APPL1: variants seen among roughly 807,000 people sequenced by gnomAD.
APPL1 encodes DCC-interacting protein 13-alpha.
APPL1 carries 42 observed loss-of-function variants against 106.8 expected under a neutral mutation model. The ratio of observed to expected loss-of-function variants is 0.39; its 90% CI spans 0.31 to 0.51. The LOEUF is 0.51. APPL1 is among the 20% of genes least tolerant of loss of function. The probability of loss-of-function intolerance (pLI) is 0.75; values close to 1 mark genes in which losing one functional copy is unlikely to be tolerated. For synonymous variants in APPL1, 263 were observed against 281.8 expected (o/e 0.93, Z 0.67); for missense variants, 769 against 858.2 (o/e 0.90, Z 1.30).
At chr3:57,240,303 A>AT (rs1365814949) in intron 4 of APPL1, among the ~76,000 whole-genome samples, 162 bp from the exon 5 acceptor site, 13 of 151,984 alleles carry the variant, frequency 8.6e-5, no homozygotes, top group Non-Finnish European at 1.2e-4. Context: ...AGTAAATGGA[A>AT]TTTTTTGACT....
chr3:57,261,918 T>TTTG, intron 19 of APPL1, among the ~76,000 whole-genome samples: 1 of 152,276 alleles, frequency 6.6e-6, no homozygotes, highest in East Asian at 1.9e-4. Flanking sequence ...TTTCTGCATT[T>TTTG]CACCAACATC....
In APPL1 at chr3:57,234,322, G is replaced by T. The variant is rs1422878738; in HGVS notation, c.55-1244G>T. 3.5e-4 allele frequency among the ~76,000 whole-genome samples: 50 copies of T among 141,902 alleles called. 1 individual carries two copies. The highest frequency in any genetic ancestry group is 2.8e-5 in the African/African-American group (1 of 35,926). 93.1% of individuals were successfully genotyped at this position (141,902 alleles called of 152,430 possible). A position where few individuals can be genotyped will look rare whatever the true frequency, so the allele number is the denominator to read the frequency against. The stretch of plus-strand genomic sequence containing the variant: ...TTTTTTTTTTTTTTTTTTTGAGACG[G>T]AGTCTCCCTCTATTGCCCAAGCTGG... On this transcript the variant is annotated intron_variant, in intron 1 of 21. Coordinates refer to ENST00000288266, the MANE Select transcript of APPL1 (RefSeq NM_012096.3).
Position 57,242,910 on chromosome 3 carries a change from A to G in APPL1, c.470A>G (p.Asp157Gly). The G allele has an allele frequency of 6.2e-7, 1 of 1,609,968 alleles. No individual in the cohort carries two copies. Among genetic ancestry groups the G allele is most frequent in the Non-Finnish European group, 8.5e-7 (1 of 1,176,846 alleles). ...CGTTTATCAAAAAAAAGAGAAAATG[A>G]CAAGGTGTGGTACATATTTATTCCT... ...YSRLSKKRENDKVKYEVTEDV... is the reference protein window; with the variant it reads ...YSRLSKKRENGKVKYEVTEDV... Residue 157 changes from aspartate (D) to glycine (G), a missense_variant, in exon 7 of 22, where the codon GAC becomes GGC. By Grantham distance (94) the Asp-to-Gly change is moderately conservative. Transcript: ENST00000288266.
At chr3:57,257,964 T>A (rs2060846141) in intron 15 of APPL1, among the ~76,000 whole-genome samples, 2 of 152,322 alleles carry the variant, frequency 1.3e-5, no homozygotes, top group South Asian at 4.1e-4. Flanking sequence ...ATTTATTAAG[T>A]AGAGTGGACA....
intron 4 of APPL1, among the ~76,000 whole-genome samples, chr3:57,238,689 AT>A (rs561368273): frequency 5.1e-4 from 77 of 152,282 alleles, no homozygotes; most frequent in Non-Finnish European, 9.3e-4. Flanking sequence ...TGGAAAAGTA[AT>A]TTTTTTGAAA....
rs1322510680 is a variant in APPL1, at chr3:57,272,323, G to GCTAGT, written c.*2642_*2646dup. The GCTAGT allele has an allele frequency of 6.6e-6, 1 of 152,104 alleles. No individual in the cohort carries two copies. The highest frequency in any genetic ancestry group is 6.5e-5 in the Admixed American group (1 of 15,270). The allele number at this position is 152,104 out of a possible 1,614,324, so 9.4% of individuals were successfully genotyped here. ...TATTATCTTGAACAGAGTCCCTAAAGCTAGTCTAGTTTTTGCCACATCTGC... is the reference window on the plus strand; with the variant it reads ...TATTATCTTGAACAGAGTCCCTAAAGCTAGTCTAGTCTAGTTTTTGCCACATCTGC... On this transcript the variant is annotated 3_prime_UTR_variant, in exon 22 of 22. Coordinates refer to ENST00000288266, the MANE Select transcript of APPL1 (RefSeq NM_012096.3).
At chr3:57,245,995 C>T (rs2060771627) in intron 7 of APPL1, 81 bp from the exon 8 acceptor site, 3 of 1,006,222 alleles carry the variant, frequency 3.0e-6, no homozygotes, top group Non-Finnish European at 2.7e-6. Context: ...CTCTTCTCCA[C>T]AGCTCCTACT....
chr3:57,257,233 G>C lies in APPL1; in HGVS notation c.1248-13G>C. 1.2e-6 allele frequency: 2 copies of C among 1,603,060 alleles called. No homozygotes were observed. The highest frequency in any genetic ancestry group is 1.7e-6 in the Non-Finnish European group (2 of 1,175,852). On this transcript the variant is annotated splice_polypyrimidine_tract_variant and intron_variant, in intron 14 of 21. Coordinates refer to ENST00000288266, the MANE Select transcript of APPL1 (RefSeq NM_012096.3). ...GGAAAATTAAATGCAATGCCTTCTT[G>C]TTTTATGCTTAGACAATCTCGGCCA...
chr3:57,261,504 C>T (rs924894485), intron 19 of APPL1, among the ~76,000 whole-genome samples: 2 of 151,988 alleles, frequency 1.3e-5, no homozygotes, highest in Admixed American at 1.3e-4. Context: ...AATGGTAGTT[C>T]TATTTTTAGT....
chr3:57,245,745 A>G (rs2060770332), intron 7 of APPL1, among the ~76,000 whole-genome samples: 1 of 151,776 alleles, frequency 6.6e-6, no homozygotes, highest in African/African-American at 2.4e-5. Context: ...CGGTTTCACC[A>G]TGTTGGCCAG....
intron 21 of APPL1, 75 bp downstream of exon 21, chr3:57,268,562 G>T (rs2060911425): frequency 1.4e-6 from 2 of 1,455,586 alleles, no homozygotes; most frequent in South Asian, 1.6e-5. Context: ...TTTCAGATTT[G>T]AATTTCCAAA....
chr3:57,245,547 AGTT>A (rs2060768443), intron 7 of APPL1, among the ~76,000 whole-genome samples: 3 of 143,780 alleles, frequency 2.1e-5, no homozygotes, highest in Admixed American at 7.0e-5. Flanking sequence ...TTCAATATGC[AGTT>A]TTTTTTTTTT....
chr3:57,259,875 G>A lies in APPL1; in HGVS notation c.1514G>A (p.Arg505Gln), dbSNP rs1356993102. Residue 505 changes from arginine to glutamine, a missense_variant, in exon 17 of 22, where the codon CGA (arginine) becomes CAA (glutamine). Arg to Gln is a conservative substitution (Grantham distance 43). Coordinates refer to ENST00000288266, the MANE Select transcript of APPL1 (RefSeq NM_012096.3). ...ATTCTTCATCAGTTATTTATTGTCCGATTCCTTGGTTCAATGGAGGTGAAA... is the reference window on the plus strand; with the variant it reads ...ATTCTTCATCAGTTATTTATTGTCCAATTCCTTGGTTCAATGGAGGTGAAA... ...DSILHQLFIVRFLGSMEVKSD... is the reference protein window; with the variant it reads ...DSILHQLFIVQFLGSMEVKSD... The A allele has an allele frequency of 3.7e-6, 6 of 1,607,124 alleles. No individual in the cohort carries two copies. Among genetic ancestry groups the A allele is most frequent in the South Asian group, 3.4e-5 (3 of 89,498 alleles).
intron 1 of APPL1, 23 bp downstream of exon 1, chr3:57,227,960 C>T: frequency 4.9e-6 from 7 of 1,421,830 alleles, no homozygotes; most frequent in Non-Finnish European, 5.6e-6. Context: ...AGCTGGTGGG[C>T]GACGAGGGAG....
chr3:57,264,845 T>C (rs1300539046), intron 19 of APPL1, among the ~76,000 whole-genome samples: 1 of 151,346 alleles, frequency 6.6e-6, no homozygotes, highest in African/African-American at 2.4e-5. Flanking sequence ...TTGGTTACTA[T>C]AGCTCTGTAG....
chr3:57,230,860 T>C (rs1271969808), intron 1 of APPL1: 1 of 387,576 alleles, frequency 2.6e-6, no homozygotes, highest in African/African-American at 2.2e-5. Context: ...CTCAAACTCC[T>C]GGGCACACGC....
Position 57,250,804 on chromosome 3 carries a change from C to CTTT in APPL1, c.1052+1275_1052+1277dup, listed in dbSNP as rs71088045. Among the ~76,000 whole-genome samples the CTTT allele has an allele frequency of 2.3e-3, 258 of 110,248 alleles. 3 individuals carry two copies. Among genetic ancestry groups the CTTT allele is most frequent in the East Asian group, 4.2e-3 (15 of 3,566 alleles). The allele number at this position is 110,248 out of a possible 152,430, so 72.3% of individuals were successfully genotyped here. Reference sequence around the variant, plus strand: ...TGCTTTTGACCTTTGAACTTTCTTTCTTTTTTTTTTTTTTTTTTTTTGAGA... The same window carrying CTTT: ...TGCTTTTGACCTTTGAACTTTCTTTCTTTTTTTTTTTTTTTTTTTTTTTTGAGA... On this transcript the variant is annotated intron_variant, in intron 11 of 21. Transcript: ENST00000288266.
At chr3:57,233,946 TG>T (rs1386205909) in intron 1 of APPL1, among the ~76,000 whole-genome samples, 2 of 151,974 alleles carry the variant, frequency 1.3e-5, no homozygotes, top group South Asian at 2.1e-4. Context: ...TAGCCAGACA[TG>T]GTGGCACATG....
chr3:57,264,800 TC>T (rs1181766844), intron 19 of APPL1, among the ~76,000 whole-genome samples: 21 of 149,824 alleles, frequency 1.4e-4, no homozygotes, highest in African/African-American at 5.2e-4. Context: ...GGTCTATGTG[TC>T]TTTTTTTTTT....
Sources: gnomAD v4.1 joint callset for allele counts (sites outside exome capture counted in the v4.1 genomes callset) on GRCh38, gnomAD v4.1.1 for gene constraint, MANE v1.5 for transcripts, NCBI Gene and HGNC (gene_info 2026-07-23, HGNC 2026-07-21) for gene names.